CASD1: variants seen among roughly 807,000 people sequenced by gnomAD.
CASD1 encodes the protein CAS1 domain sialic acid O acetyltransferase 1, also known as N-acetylneuraminate (7)9-O-acetyltransferase.
In CASD1, 41 loss-of-function variants were observed where a neutral mutation model predicts 100.0. The ratio of observed to expected loss-of-function variants is 0.41; its 90% CI spans 0.32 to 0.53. The LOEUF (loss-of-function observed/expected upper bound fraction) is 0.53. Among genes scored for constraint, CASD1 ranks in the 20% least tolerant of loss-of-function variants. The probability of loss-of-function intolerance (pLI) is 0.25; values close to 1 mark genes in which losing one functional copy is unlikely to be tolerated. For missense variants in CASD1, 774 were observed against 948.7 expected, an observed-to-expected ratio of 0.82 and a Z score of 2.42; for synonymous variants, 321 against 315.6, an observed-to-expected ratio of 1.02 and a Z score of -0.18.
rs56786123 is a variant in CASD1, at chr7:94,541,537, G to GTTTTT, written c.1356+2507_1356+2511dup. Among the ~76,000 whole-genome samples the GTTTTT allele has an allele frequency of 2.8e-4, 17 of 60,116 alleles. 1 individual carries two copies. The highest frequency in any genetic ancestry group is 2.7e-4 in the African/African-American group (4 of 14,940). The allele number at this position is 60,116 out of a possible 152,430, so 39.4% of individuals were successfully genotyped here. A position where few individuals can be genotyped will look rare whatever the true frequency, so the allele number is the denominator to read the frequency against. On this transcript the variant is annotated intron_variant, in intron 10 of 17. Coordinates refer to ENST00000297273, the MANE Select transcript of CASD1 (RefSeq NM_022900.5). ...ACAGTAGGTGATTTGTGTTCCACTGGTTTTTTTTTTTTTTTTTTTTTTTTT... is the reference window on the plus strand; with the variant it reads ...ACAGTAGGTGATTTGTGTTCCACTGGTTTTTTTTTTTTTTTTTTTTTTTTTTTTTT...
chr7:94,537,780 T>C lies in CASD1; in HGVS notation c.1152T>C (p.Cys384=), dbSNP rs1795191263. 7.4e-6 allele frequency: 12 copies of C among 1,613,530 alleles called. No homozygotes were observed. The highest frequency in any genetic ancestry group is 1.0e-5 in the Non-Finnish European group (12 of 1,179,612). Residue 384 remains cysteine (C), a synonymous_variant, in exon 9 of 18, where the codon TGT becomes TGC. Coordinates refer to ENST00000297273, the MANE Select transcript of CASD1 (RefSeq NM_022900.5). ...LGLIMAYFYM[C]DRANLFMKEN... ...TGATTATGGCATATTTCTATATGTG[T>C]GACCGTGCAAATCTGTTCATGAAGG...
At chr7:94,517,194 G>A (rs147895445) in intron 1 of CASD1, among the ~76,000 whole-genome samples, 3 of 152,214 alleles carry the variant, frequency 2.0e-5, no homozygotes, top group Admixed American at 6.5e-5. Flanking sequence ...GTGAGCCACC[G>A]TGCCTGGCCT....
At chr7:94,593,662 C>T in the CASD1 span, among the ~76,000 whole-genome samples, 1 of 151,908 alleles carries the variant, frequency 6.6e-6, no homozygotes, top group East Asian at 1.9e-4. Flanking sequence ...CACCATTTTC[C>T]TCAGGCAGTT....
chr7:94,588,131 A>G, the CASD1 span: 20 of 1,149,700 alleles, frequency 1.7e-5, no homozygotes, highest in Non-Finnish European at 2.1e-5. Context: ...TTTTAGGGAC[A>G]CTTGAAAGAA....
At chr7:94,555,351 G>A (rs1796151325) in intron 17 of CASD1, 141 bp from the exon 18 acceptor site, 1 of 758,172 alleles carries the variant, frequency 1.3e-6, no homozygotes, top group Non-Finnish European at 2.1e-6. Context: ...GGACTTTTCA[G>A]GGCCAGTAGT....
intron 12 of CASD1, among the ~76,000 whole-genome samples, 195 bp from the exon 13 acceptor site, chr7:94,546,901 C>G (rs942912011): frequency 6.6e-6 from 1 of 151,698 alleles, no homozygotes; most frequent in African/African-American, 2.4e-5. Context: ...TAGCCTCATG[C>G]CTAGCAAGAA....
the CASD1 span, among the ~76,000 whole-genome samples, chr7:94,601,638 A>C: frequency 6.6e-6 from 1 of 152,102 alleles, no homozygotes; most frequent in Non-Finnish European, 1.5e-5. Context: ...GGGGAGAATT[A>C]GTTGCAGCAT....
chr7:94,581,061 C>T, the CASD1 span, among the ~76,000 whole-genome samples: 1 of 152,192 alleles, frequency 6.6e-6, no homozygotes, highest in Non-Finnish European at 1.5e-5. Flanking sequence ...GACACATAGA[C>T]TCAAAGGCCA....
chr7:94,514,797 C>T (rs562566198), intron 1 of CASD1, among the ~76,000 whole-genome samples: 1 of 152,100 alleles, frequency 6.6e-6, no homozygotes, highest in African/African-American at 2.4e-5. Flanking sequence ...GTGTTTCTTG[C>T]TTGATTTATC....
At chr7:94,607,911 G>C in the CASD1 span, among the ~76,000 whole-genome samples, 1 of 152,178 alleles carries the variant, frequency 6.6e-6, no homozygotes, top group Non-Finnish European at 1.5e-5. Flanking sequence ...TTACAGCAAC[G>C]TTGCAGGAAT....
At chr7:94,574,667 T>A in the CASD1 span, among the ~76,000 whole-genome samples, 15 of 149,950 alleles carry the variant, frequency 1.0e-4, no homozygotes, top group African/African-American at 2.9e-4. Flanking sequence ...ATGATTTTTT[T>A]CAAAAAAAAA....
the CASD1 span, among the ~76,000 whole-genome samples, chr7:94,606,450 C>T: frequency 6.6e-6 from 1 of 152,248 alleles, no homozygotes; most frequent in East Asian, 1.9e-4. Context: ...TGTGTATATG[C>T]CTCATAACAG....
At chr7:94,631,116 T>G in the CASD1 span, among the ~76,000 whole-genome samples, 1 of 151,788 alleles carries the variant, frequency 6.6e-6, no homozygotes, top group Non-Finnish European at 1.5e-5. Flanking sequence ...AAACTAGGTA[T>G]GCAGAGAGAT....
At chr7:94,588,323 G>A in the CASD1 span, 2 of 1,076,642 alleles carry the variant, frequency 1.9e-6, no homozygotes, top group East Asian at 1.4e-4. Context: ...AAGAGAGCTT[G>A]AAACTTCAAG....
chr7:94,527,216 T>C lies in CASD1; in HGVS notation c.396+10T>C. ...TGCATCAGTTAAAGTGGTAAGTTCA[T>C]GTAATAGTAAGCTAGATGTTACAAT... On this transcript the variant is annotated intron_variant, in intron 4 of 17. Coordinates refer to ENST00000297273, the MANE Select transcript of CASD1 (RefSeq NM_022900.5). 6.3e-7 allele frequency: 1 copy of C among 1,590,384 alleles called. No homozygotes were observed. The highest frequency in any genetic ancestry group is 1.3e-5 in the African/African-American group (1 of 74,514).
rs1424230914 is a variant in CASD1, at chr7:94,537,864, G to A, written c.1236G>A (p.Leu412=). ...FFIPIIYILV[L]GVFYNENTKE... ...TTCCAATTATCTACATTTTGGTTTT[G>A]GGAGTATTTTATAATGAAAATACTA... Residue 412 remains leucine (L), a synonymous_variant, in exon 9 of 18, where the codon TTG becomes TTA. Coordinates refer to ENST00000297273, the MANE Select transcript of CASD1 (RefSeq NM_022900.5). The A allele has an allele frequency of 1.3e-6, 2 of 1,543,590 alleles. No individual in the cohort carries two copies. The highest frequency in any genetic ancestry group is 1.8e-6 in the Non-Finnish European group (2 of 1,117,824).
chr7:94,515,021 G>C (rs547700382), intron 1 of CASD1, among the ~76,000 whole-genome samples: 1 of 151,844 alleles, frequency 6.6e-6, no homozygotes, highest in Non-Finnish European at 1.5e-5. Flanking sequence ...GTTTTTTCTG[G>C]ATCAGGTTAA....
chr7:94,566,539 G>A, the CASD1 span, among the ~76,000 whole-genome samples: 3 of 151,426 alleles, frequency 2.0e-5, no homozygotes, highest in Admixed American at 2.0e-4. Context: ...TTAAACACAG[G>A]TTTTCTCCAA....
At chr7:94,555,052 A>C (rs903592845) in intron 17 of CASD1, among the ~76,000 whole-genome samples, 3 of 152,144 alleles carry the variant, frequency 2.0e-5, no homozygotes, top group Non-Finnish European at 2.9e-5. Flanking sequence ...TTTGTGTAAG[A>C]TACATAATAT....
Sources: allele counts gnomAD v4.1 joint callset (sites outside exome capture counted in the v4.1 genomes callset), GRCh38; gene constraint gnomAD v4.1.1; transcripts MANE v1.5; gene names NCBI Gene and HGNC (gene_info 2026-07-23, HGNC 2026-07-21).